LZTR1: variants seen among roughly 807,000 people sequenced by gnomAD.
The protein encoded by LZTR1 is leucine zipper like post translational regulator 1, also known as leucine-zipper-like transcriptional regulator 1.
In LZTR1, 260 loss-of-function variants were observed where a neutral mutation model predicts 105.7. The observed-to-expected ratio is 2.46, with a 90% CI of 2.22 to 2.72. The LOEUF (loss-of-function observed/expected upper bound fraction) is 2.72, where lower values mean the gene tolerates loss of function less well. Ranked by LOEUF, LZTR1 falls within the 30% of genes most tolerant of loss-of-function variation. The pLI is 0.00. For missense variants in LZTR1, 1,214 were observed against 1,166.9 expected (o/e 1.04, Z -0.59); for synonymous variants, 490 against 476.4 (o/e 1.03, Z -0.37).
At chr22:20,993,621 T>G (rs1032858485) in intron 11 of LZTR1, 41 bp from the exon 12 acceptor site, 2 of 1,561,214 alleles carry the variant, frequency 1.3e-6, no homozygotes, top group Admixed American at 3.4e-5. Context: ...GGGGCCACCC[T>G]GCTGTCTGCA....
At position 20,998,256 on chromosome 22, in the gene LZTR1, T is replaced by A. The variant is rs1338594746; in HGVS notation, c.*908T>A. On this transcript the variant is annotated 3_prime_UTR_variant, in exon 21 of 21. Transcript: ENST00000646124. Reference sequence around the variant, plus strand: ...TGTCAACTCCTGCCTCCACCTGGGGTCACCCAGTCACATTGGGAAGGGCTG... The same window carrying A: ...TGTCAACTCCTGCCTCCACCTGGGGACACCCAGTCACATTGGGAAGGGCTG... 1 of 152,286 alleles carries A rather than the reference T, an allele frequency of 6.6e-6. No individual in the cohort carries two copies. The highest frequency in any genetic ancestry group is 2.4e-5 in the African/African-American group (1 of 41,444). The allele number at this position is 152,286 out of a possible 1,614,324, so 9.4% of individuals were successfully genotyped here.
In LZTR1 at chr22:20,997,257, C is replaced by G; in HGVS notation, c.2432C>G (p.Ser811Trp). 1 of 1,613,740 alleles carries G rather than the reference C, an allele frequency of 6.2e-7. No homozygotes were observed. The highest frequency in any genetic ancestry group is 1.1e-5 in the South Asian group (1 of 91,050). The change falls in exon 21 of 21, where the codon TCG becomes TGG. Residue 811 changes from serine to tryptophan, a missense_variant. By Grantham distance (177) the Ser-to-Trp change is radical. Coordinates refer to ENST00000646124, the MANE Select transcript of LZTR1 (RefSeq NM_006767.4). ...TKVSKLPTLRSLSQQLLLDII... is the reference protein window; with the variant it reads ...TKVSKLPTLRWLSQQLLLDII... Reference sequence around the variant, plus strand: ...GTCTCCAAGTTGCCCACCCTGCGGTCGCTGAGCCAGCAGCTGCTGCTGGAC... The same window carrying G: ...GTCTCCAAGTTGCCCACCCTGCGGTGGCTGAGCCAGCAGCTGCTGCTGGAC...
At chr22:20,996,603 G>A in intron 18 of LZTR1, 93 bp from the exon 19 acceptor site, 1 of 984,052 alleles carries the variant, frequency 1.0e-6, no homozygotes, top group African/African-American at 1.6e-5. Context: ...CTGGCGTGGG[G>A]GCTTGGGGCT....
In LZTR1 at chr22:20,990,434, G is replaced by A. The variant is rs2147964039; in HGVS notation, c.700G>A (p.Ala234Thr). ...CCCATCTTGCTGCAACTTCCCCGTG[G>A]CTGTGTGCCGGGACAAGATGTTTGT... is the stretch of plus-strand genomic sequence containing the variant. ...IPPSCCNFPVAVCRDKMFVFS... is the reference protein window; with the variant it reads ...IPPSCCNFPVTVCRDKMFVFS... The change falls in exon 8 of 21, where the codon GCT becomes ACT. Residue 234 changes from alanine to threonine, a missense_variant. Physicochemically the swap from Ala to Thr is moderately conservative, Grantham distance 58. Coordinates refer to ENST00000646124, the MANE Select transcript of LZTR1 (RefSeq NM_006767.4). The A allele has an allele frequency of 8.1e-6, 13 of 1,614,124 alleles. No individual in the cohort carries two copies. The highest frequency in any genetic ancestry group is 1.0e-5 in the Non-Finnish European group (12 of 1,180,020).
intron 2 of LZTR1, among the ~76,000 whole-genome samples, chr22:20,983,663 GA>G (rs1424374103): frequency 6.6e-6 from 1 of 152,170 alleles, no homozygotes; most frequent in African/African-American, 2.4e-5. Flanking sequence ...GAACTAGCAT[GA>G]AGCCCTGGAA....
rs758291109 is a variant in LZTR1, at chr22:20,992,276, T to C, written c.1056T>C (p.Tyr352=). Reference sequence around the variant, plus strand: ...CCGAGGAGGTGCCCACCCTGACCTATGAGGAGCGGGTTGGCTTCAAGAAGT... The same window carrying C: ...CCGAGGAGGTGCCCACCCTGACCTACGAGGAGCGGGTTGGCTTCAAGAAGT... ...CASEEVPTLT[Y]EERVGFKKSR... Residue 352 remains tyrosine, a synonymous_variant, in exon 10 of 21, where the codon TAT becomes TAC. Transcript: ENST00000646124. The C allele has an allele frequency of 6.2e-7, 1 of 1,614,002 alleles. No individual in the cohort carries two copies. The highest frequency in any genetic ancestry group is 1.1e-5 in the South Asian group (1 of 91,084).
At chr22:20,988,472 A>G (rs1391377641) in intron 5 of LZTR1, among the ~76,000 whole-genome samples, 1 of 152,194 alleles carries the variant, frequency 6.6e-6, no homozygotes, top group Non-Finnish European at 1.5e-5. Context: ...CTTGTCACAA[A>G]AAAATGTTCA....
chr22:20,985,509 GGGTGA>G (rs1347743641), intron 2 of LZTR1, among the ~76,000 whole-genome samples: 5 of 152,224 alleles, frequency 3.3e-5, no homozygotes, highest in Non-Finnish European at 7.3e-5. Context: ...CTGGAGGCTA[GGGTGA>G]GGTGTGAGGG....
chr22:20,983,845 C>A (rs1034053728), intron 2 of LZTR1, among the ~76,000 whole-genome samples: 5 of 152,220 alleles, frequency 3.3e-5, no homozygotes, highest in African/African-American at 1.2e-4. Context: ...CTCTCTTTCC[C>A]CAGGAGTAGC....
intron 16 of LZTR1, 133 bp from the exon 17 acceptor site, chr22:20,995,613 C>T (rs1468805069): frequency 3.6e-5 from 40 of 1,096,828 alleles, no homozygotes; most frequent in Non-Finnish European, 5.0e-5. Context: ...TACCTCAGGG[C>T]GAGTGAGGCC....
chr22:20,995,573 C>A (rs1569157789), intron 16 of LZTR1, 173 bp from the exon 17 acceptor site: 3 of 804,572 alleles, frequency 3.7e-6, no homozygotes, highest in Admixed American at 1.9e-5. Flanking sequence ...TCGGCCAGGG[C>A]GCCGAGGGAG....
chr22:20,990,697 C>T, intron 8 of LZTR1, 172 bp downstream of exon 8: 1 of 669,122 alleles, frequency 1.5e-6, no homozygotes, highest in Non-Finnish European at 2.5e-6. Flanking sequence ...TGGCAGGTCC[C>T]CAGGATATGG....
chr22:20,992,502 G>A, intron 10 of LZTR1, 133 bp downstream of exon 10: 1 of 1,077,240 alleles, frequency 9.3e-7, no homozygotes, highest in South Asian at 1.6e-5. Flanking sequence ...GGGGTACAGG[G>A]CCAAGGGCCC....
Position 20,994,641 on chromosome 22 carries a change from C to T in LZTR1, c.1699C>T (p.Arg567Cys), listed in dbSNP as rs1207295390. 6 of 1,612,802 alleles carry T rather than the reference C, an allele frequency of 3.7e-6. No individual in the cohort carries two copies. The highest frequency in any genetic ancestry group is 1.3e-5 in the African/African-American group (1 of 74,924). Residue 567 changes from arginine to cysteine, a missense_variant, in exon 15 of 21, where the codon CGC becomes TGC. Arg to Cys is a radical substitution (Grantham distance 180, BLOSUM62 -3). Transcript: ENST00000646124. ...FQLCRLEQLC[R>C]QYIEASVDLQ... The stretch of plus-strand genomic sequence containing the variant: ...GTTGTGCCGCCTGGAGCAGCTGTGC[C>T]GCCAGTACATCGAGGCCTCCGTGGA...
rs899857914 is a variant in LZTR1, at chr22:20,994,745, C to T, written c.1785+18C>T. The T allele has an allele frequency of 6.8e-6, 11 of 1,610,178 alleles. No homozygotes were observed. Among genetic ancestry groups the T allele is most frequent in the South Asian group, 3.3e-5 (3 of 91,024 alleles). ...AACTCAAGGTGTGGGGTGGGGTCAGCGCAATCAGGGTTGGGTGGGGTGTGC... is the reference window on the plus strand; with the variant it reads ...AACTCAAGGTGTGGGGTGGGGTCAGTGCAATCAGGGTTGGGTGGGGTGTGC... On this transcript the variant is annotated intron_variant, in intron 15 of 20. Transcript: ENST00000646124.
Position 20,983,192 on chromosome 22 carries a change from G to A in LZTR1, c.263+103G>A, listed in dbSNP as rs951647021. 104 of 1,016,340 alleles carry A rather than the reference G, an allele frequency of 1.0e-4. No homozygotes were observed. The African/African-American group carries it at 1.6e-3, about 16-fold the overall frequency. The allele number at this position is 1,016,340 out of a possible 1,614,324, so 63.0% of individuals were successfully genotyped here. A position where few individuals can be genotyped will look rare whatever the true frequency, so the allele number is the denominator to read the frequency against. On this transcript the variant is annotated intron_variant, in intron 2 of 20. Coordinates refer to ENST00000646124, the MANE Select transcript of LZTR1 (RefSeq NM_006767.4). ...ATTACTGTCCTTTCAGATGCTAGCT[G>A]GTGCCTCTAAGCTTCAGTTTCCCCA...
At chr22:20,983,878 C>T (rs923456043) in intron 2 of LZTR1, among the ~76,000 whole-genome samples, 1 of 152,204 alleles carries the variant, frequency 6.6e-6, no homozygotes, top group Non-Finnish European at 1.5e-5. Flanking sequence ...TTTACAAAAG[C>T]AAGTCAGAGT....
intron 7 of LZTR1, among the ~76,000 whole-genome samples, chr22:20,990,161 G>A (rs560618951): frequency 6.9e-4 from 105 of 152,158 alleles, no homozygotes; most frequent in African/African-American, 2.4e-3. Context: ...CATGAGTTTA[G>A]CCCCTGATGA....
rs377033700 is a variant in LZTR1 at position 20,988,889 on chromosome 22, C to T, written c.593+17C>T. The T allele has an allele frequency of 6.2e-7, 1 of 1,608,038 alleles. No homozygotes were observed. Among genetic ancestry groups the T allele is most frequent in the Admixed American group, 1.7e-5 (1 of 60,014 alleles). ...CAACGCCAGGTGGGTGGTGGTCCGG[C>T]CTGTGCACCCCACCTCCGACAGCAC... On this transcript the variant is annotated intron_variant, in intron 6 of 20. Coordinates refer to ENST00000646124, the MANE Select transcript of LZTR1 (RefSeq NM_006767.4).
Sources: gnomAD v4.1 joint callset for allele counts (sites outside exome capture counted in the v4.1 genomes callset) on GRCh38, gnomAD v4.1.1 for gene constraint, MANE v1.5 for transcripts, NCBI Gene and HGNC (gene_info 2026-07-23, HGNC 2026-07-21) for gene names.